TRH: variants seen among roughly 807,000 people sequenced by gnomAD.
The protein encoded by TRH is TSH-releasing factor.
TRH carries 5 observed loss-of-function variants against 5.2 expected under a neutral mutation model. The ratio of observed to expected loss-of-function variants is 0.95; its 90% confidence interval spans 0.50 to 2.00. TRH has a LOEUF of 2.00. Ranked by LOEUF, TRH falls within the 30% of genes most tolerant of loss-of-function variation. The pLI, the probability that TRH is intolerant of heterozygous loss-of-function variation, is 0.01. For missense variants in TRH, 318 were observed against 312.8 expected (o/e 1.02, Z -0.13); for synonymous variants, 131 against 128.6 (o/e 1.02, Z -0.13).
rs1257179595 is a variant in TRH at position 129,976,975 on chromosome 3, C to T, written c.488C>T (p.Ala163Val). The T allele has an allele frequency of 3.1e-6, 5 of 1,613,074 alleles. No individual in the cohort carries two copies. Among genetic ancestry groups the T allele is most frequent in the Non-Finnish European group, 4.2e-6 (5 of 1,179,776 alleles). Reference protein sequence around the residue: ...HPGRRLADPKAQRSWEEEEEE... With the variant: ...HPGRRLADPKVQRSWEEEEEE... ...GGCAGAAGGCTGGCAGATCCCAAGG[C>T]TCAAAGGAGCTGGGAAGAAGAGGAG... Residue 163 changes from alanine to valine, a missense_variant, in exon 3 of 3, where the codon GCT (alanine) becomes GTT (valine). Coordinates refer to ENST00000302649, the MANE Select transcript of TRH (RefSeq NM_007117.5).
At chr3:129,975,238 G>A (rs1166204628) in intron 1 of TRH, among the ~76,000 whole-genome samples, 1 of 152,230 alleles carries the variant, frequency 6.6e-6, no homozygotes, top group Non-Finnish European at 1.5e-5. Context: ...TCCTGGCTTA[G>A]TCATGAAAGC....
In TRH at chr3:129,975,940, C is replaced by T. The variant is rs1197370249; in HGVS notation, c.124C>T (p.Leu42=). 4.5e-5 allele frequency: 73 copies of T among 1,613,832 alleles called. No individual in the cohort carries two copies. Among genetic ancestry groups the T allele is most frequent in the Non-Finnish European group, 6.0e-5 (71 of 1,179,970 alleles). ...AGTGACGGCCGCGGAGCATCCGGGC[C>T]TGGATGACTTCCTGCGCCAGGTGGA... ...EAVTAAEHPG[L]DDFLRQVERL... is the part of the protein sequence containing the mutation. Residue 42 remains leucine (L), a synonymous_variant, in exon 2 of 3, where the codon CTG becomes TTG. Transcript: ENST00000302649.
chr3:129,976,640 T>A, intron 2 of TRH, 59 bp from the exon 3 acceptor site: 2 of 1,536,826 alleles, frequency 1.3e-6, no homozygotes, highest in South Asian at 2.5e-5. Flanking sequence ...GAGTGGGCAC[T>A]CAGGCGCCTG....
At position 129,976,839 on chromosome 3, in the gene TRH, C is replaced by T. The variant is rs142218332; in HGVS notation, c.352C>T (p.Arg118Ter). Residue 118 changes from arginine (R) to a stop codon, truncating the protein, a stop_gained, in exon 3 of 3, where the codon CGA (arginine) becomes TGA (stop). Coordinates refer to ENST00000302649, the MANE Select transcript of TRH (RefSeq NM_007117.5). LOFTEE classifies it low-confidence loss of function (END_TRUNC). The stretch of plus-strand genomic sequence containing the variant: ...ACCCCACAAACGGCAGCACCCTGGC[C>T]GACGAGAAGATGAGGCTTCATGGTC... ...VGPHKRQHPG[R>*]REDEASWSVD... is the part of the protein sequence containing the mutation. The T allele has an allele frequency of 7.2e-5, 116 of 1,613,428 alleles. No individual in the cohort carries two copies. The highest frequency in any genetic ancestry group is 1.2e-4 in the African/African-American group (9 of 74,706).
chr3:129,975,649 C>T (rs969844918), intron 1 of TRH, among the ~76,000 whole-genome samples, 160 bp from the exon 2 acceptor site: 7 of 152,320 alleles, frequency 4.6e-5, no homozygotes, highest in African/African-American at 7.2e-5. Flanking sequence ...AGAGCCGGGG[C>T]GAACCCGCCG....
At chr3:129,975,371 G>C (rs1209079704) in intron 1 of TRH, among the ~76,000 whole-genome samples, 1 of 152,220 alleles carries the variant, frequency 6.6e-6, no homozygotes, top group Non-Finnish European at 1.5e-5. Flanking sequence ...CTTGGAGTTA[G>C]AACGTGGCGA....
intron 2 of TRH, 58 bp downstream of exon 2, chr3:129,976,085 A>G (rs542507300): frequency 1.3e-6 from 2 of 1,568,612 alleles, no homozygotes; most frequent in South Asian, 1.1e-5. Context: ...AGCCGTGGAA[A>G]CCTGCCGGCA....
intron 2 of TRH, among the ~76,000 whole-genome samples, chr3:129,976,488 G>T (rs932831984): frequency 1.3e-5 from 2 of 152,208 alleles, no homozygotes; most frequent in African/African-American, 2.4e-5. Context: ...ACTAGGGAGC[G>T]CCAGAGCTGG....
chr3:129,976,987 G>T lies in TRH; in HGVS notation c.500G>T (p.Trp167Leu). 6.2e-7 allele frequency: 1 copy of T among 1,613,812 alleles called. No individual in the cohort carries two copies. The highest frequency in any genetic ancestry group is 8.5e-7 in the Non-Finnish European group (1 of 1,179,940). ...RLADPKAQRS[W>L]EEEEEEEERE... ...GCAGATCCCAAGGCTCAAAGGAGCT[G>T]GGAAGAAGAGGAGGAGGAGGAAGAG... is the stretch of plus-strand genomic sequence containing the variant. Residue 167 changes from tryptophan (W) to leucine (L), a missense_variant, in exon 3 of 3, where the codon TGG becomes TTG. Transcript: ENST00000302649.
chr3:129,976,614 C>T lies in TRH; in HGVS notation c.212-85C>T. 2.7e-6 allele frequency: 4 copies of T among 1,461,638 alleles called. No homozygotes were observed. In the South Asian group the frequency reaches 5.3e-5, roughly 19 times the overall value. 90.5% of individuals were successfully genotyped at this position (1,461,638 alleles called of 1,614,324 possible). A position where few individuals can be genotyped will look rare whatever the true frequency, so the allele number is the denominator to read the frequency against. Reference sequence around the variant, plus strand: ...TGGGAGCTGCAGGAAATGTACCCTGCCTGGGAGAAAAGCAGGAGTGGGCAC... The same window carrying T: ...TGGGAGCTGCAGGAAATGTACCCTGTCTGGGAGAAAAGCAGGAGTGGGCAC... On this transcript the variant is annotated intron_variant, in intron 2 of 2. Coordinates refer to ENST00000302649, the MANE Select transcript of TRH (RefSeq NM_007117.5).
chr3:129,976,801 G>T lies in TRH; in HGVS notation c.314G>T (p.Gly105Val), dbSNP rs963257614. The change falls in exon 3 of 3, where the codon GGG becomes GTG. Residue 105 changes from glycine to valine, a missense_variant. Physicochemically the swap from Gly to Val is moderately radical, Grantham distance 109. Transcript: ENST00000302649. Reference sequence around the variant, plus strand: ...GTTGAAGAAGAGGAAGAGGAAGAAGGGGGGGCTGTGGGACCCCACAAACGG... The same window carrying T: ...GTTGAAGAAGAGGAAGAGGAAGAAGTGGGGGCTGTGGGACCCCACAAACGG... ...EGVEEEEEEE[G>V]GAVGPHKRQH... is the part of the protein sequence containing the mutation. The T allele has an allele frequency of 3.1e-6, 5 of 1,613,952 alleles. No individual in the cohort carries two copies. Among genetic ancestry groups the T allele is most frequent in the South Asian group, 1.1e-5 (1 of 91,080 alleles).
Position 129,975,167 on chromosome 3 carries a change from A to G in TRH, c.-9+344A>G, listed in dbSNP as rs555400788. Reference sequence around the variant, plus strand: ...TGAGAACCTGGGAGTTCGAATCCCAATCTCAACGCTAGAAATAGAATTTTA... The same window carrying G: ...TGAGAACCTGGGAGTTCGAATCCCAGTCTCAACGCTAGAAATAGAATTTTA... On this transcript the variant is annotated intron_variant, in intron 1 of 2. Transcript: ENST00000302649. Among the ~76,000 whole-genome samples the G allele has an allele frequency of 2.0e-5, 3 of 152,304 alleles. No homozygotes were observed. In the South Asian group the frequency reaches 6.2e-4, roughly 32 times the overall value.
Position 129,975,473 on chromosome 3 carries a change from A to C in TRH, c.-8-336A>C, listed in dbSNP as rs1043257999. On this transcript the variant is annotated intron_variant, in intron 1 of 2. Coordinates refer to ENST00000302649, the MANE Select transcript of TRH (RefSeq NM_007117.5). ...AATCTCAATGGTTGCACTCCCGGCG[A>C]GGCAGTCCCAGCGTTGGCTTCCCCA... is the stretch of plus-strand genomic sequence containing the variant. Among the ~76,000 whole-genome samples, 13 of 152,060 alleles carry C rather than the reference A, an allele frequency of 8.5e-5. No individual in the cohort carries two copies. The East Asian group carries it at 2.3e-3, about 27-fold the overall frequency.
chr3:129,975,898 G>A lies in TRH; in HGVS notation c.82G>A (p.Ala28Thr). The A allele has an allele frequency of 6.2e-7, 1 of 1,613,320 alleles. No individual in the cohort carries two copies. Among genetic ancestry groups the A allele is most frequent in the Admixed American group, 1.7e-5 (1 of 60,006 alleles). ...CCCCGGCGGCCGTGCTCAGCCAGAG[G>A]CGGCCCAGCAGGAGGCAGTGACGGC... Reference protein sequence around the residue: ...GVPGGRAQPEAAQQEAVTAAE... With the variant: ...GVPGGRAQPETAQQEAVTAAE... The change falls in exon 2 of 3, where the codon GCG becomes ACG. Residue 28 changes from alanine to threonine, a missense_variant. Coordinates refer to ENST00000302649, the MANE Select transcript of TRH (RefSeq NM_007117.5).
At position 129,976,716 on chromosome 3, in the gene TRH, TCTGA is replaced by T. The variant is rs1238253002; in HGVS notation, c.233_236del (p.Asp78GlyfsTer51). On this transcript the variant is annotated frameshift_variant, in exon 3 of 3. Coordinates refer to ENST00000302649, the MANE Select transcript of TRH (RefSeq NM_007117.5). LOFTEE classifies it low-confidence loss of function (END_TRUNC). ...TTCCCCAGCGTCCCAGATCTTTCAA[TCTGA>T]CTGGCTCTCCAAACGTCAGCATCCA... The T allele has an allele frequency of 6.2e-7, 1 of 1,612,858 alleles. No individual in the cohort carries two copies. The highest frequency in any genetic ancestry group is 1.7e-5 in the Admixed American group (1 of 59,896).
rs753063861 is a variant in TRH at position 129,976,757 on chromosome 3, GGAGGAGGAGGAAGAGGGAGTTGAAGAA to G, written c.276_302del (p.Val97_Gly105del). ...AACGTCAGCATCCAGGCAAAAGAGA[GGAGGAGGAGGAAGAGGGAGTTGAAGAA>G]GAGGAAGAGGAAGAAGGGGGGGCTG... On this transcript the variant is annotated inframe_deletion, in exon 3 of 3. Transcript: ENST00000302649. The G allele has an allele frequency of 1.9e-6, 3 of 1,613,614 alleles. No individual in the cohort carries two copies. The highest frequency in any genetic ancestry group is 2.5e-6 in the Non-Finnish European group (3 of 1,179,812).
At position 129,975,899 on chromosome 3, in the gene TRH, C is replaced by T. The variant is rs779456379; in HGVS notation, c.83C>T (p.Ala28Val). Residue 28 changes from alanine to valine, a missense_variant, in exon 2 of 3, where the codon GCG becomes GTG. Ala to Val is a moderately conservative substitution (Grantham distance 64). Coordinates refer to ENST00000302649, the MANE Select transcript of TRH (RefSeq NM_007117.5). The stretch of plus-strand genomic sequence containing the variant: ...CCCGGCGGCCGTGCTCAGCCAGAGG[C>T]GGCCCAGCAGGAGGCAGTGACGGCC... ...GVPGGRAQPE[A>V]AQQEAVTAAE... is the part of the protein sequence containing the mutation. The T allele has an allele frequency of 8.1e-6, 13 of 1,613,250 alleles. No homozygotes were observed. The South Asian group carries it at 1.4e-4, about 18-fold the overall frequency.
Position 129,977,137 on chromosome 3 carries a change from G to A in TRH, c.650G>A (p.Ser217Asn), listed in dbSNP as rs551488413. ...CTGCTGGGGCTCCTGGATGACCTGA[G>A]TAGGAGCCAGGGAGCTGAGGAAAAG... ...GLLLGLLDDL[S>N]RSQGAEEKRQ... Residue 217 changes from serine to asparagine, a missense_variant, in exon 3 of 3, where the codon AGT becomes AAT. Ser to Asn is a conservative substitution (Grantham distance 46). Transcript: ENST00000302649. The A allele has an allele frequency of 2.4e-5, 37 of 1,537,452 alleles. No individual in the cohort carries two copies. In the South Asian group the frequency reaches 4.5e-4, roughly 19 times the overall value.
At position 129,977,049 on chromosome 3, in the gene TRH, C is replaced by T. The variant is rs147002606; in HGVS notation, c.562C>T (p.Pro188Ser). 9.3e-6 allele frequency: 15 copies of T among 1,611,516 alleles called. No homozygotes were observed. The African/African-American group carries it at 1.6e-4, about 17-fold the overall frequency. The part of the protein sequence containing the change: ...EDLMPEKRQH[P>S]GKRALGGPCG... ...CCTGATGCCTGAAAAACGCCAGCATCCGGGCAAGAGGGCCCTGGGAGGCCC... is the reference window on the plus strand; with the variant it reads ...CCTGATGCCTGAAAAACGCCAGCATTCGGGCAAGAGGGCCCTGGGAGGCCC... The change falls in exon 3 of 3, where the codon CCG becomes TCG. Residue 188 changes from proline to serine, a missense_variant. Physicochemically the swap from Pro to Ser is moderately conservative, Grantham distance 74. Transcript: ENST00000302649.
Sources: gnomAD v4.1 joint callset for allele counts (sites outside exome capture counted in the v4.1 genomes callset) on GRCh38, gnomAD v4.1.1 for gene constraint, MANE v1.5 for transcripts, NCBI Gene and HGNC (gene_info 2026-07-23, HGNC 2026-07-21) for gene names.